Variants in ZNF804A observed in about 807,000 individuals in gnomAD.
ZNF804A encodes the protein zinc finger protein 804A.
In ZNF804A, 2 loss-of-function variants were observed where a neutral mutation model predicts 16.5. That is an observed-to-expected ratio of 0.12 (90% CI 0.05 to 0.38). ZNF804A has a LOEUF of 0.38. ZNF804A is among the 10% of genes least tolerant of loss of function. The pLI, the probability that ZNF804A is intolerant of heterozygous loss-of-function variation, is 0.99. For missense variants in ZNF804A, 1,473 were observed against 1,390.7 expected, an observed-to-expected ratio of 1.06 and a Z score of -0.94; for synonymous variants, 534 against 489.6, an observed-to-expected ratio of 1.09 and a Z score of -1.20.
At chr2:184,722,649 A>C (rs537362823) in intron 1 of ZNF804A, among the ~76,000 whole-genome samples, 1 of 152,130 alleles carries the variant, frequency 6.6e-6, no homozygotes, top group South Asian at 2.1e-4. Context: ...AACACCACTG[A>C]TACGTGTTCA....
intron 2 of ZNF804A, among the ~76,000 whole-genome samples, chr2:184,868,439 GA>G (rs1004044613): frequency 1.3e-5 from 2 of 151,962 alleles, no homozygotes; most frequent in Admixed American, 1.3e-4. Context: ...AGTAGAGGGG[GA>G]AACAGATTGG....
chr2:184,897,001 T>G (rs916102209), intron 2 of ZNF804A, among the ~76,000 whole-genome samples: 1 of 152,150 alleles, frequency 6.6e-6, no homozygotes, highest in African/African-American at 2.4e-5. Flanking sequence ...ATGTTAATTC[T>G]GACTTGAATT....
At chr2:184,894,102 T>C (rs1685029877) in intron 2 of ZNF804A, among the ~76,000 whole-genome samples, 1 of 152,112 alleles carries the variant, frequency 6.6e-6, no homozygotes, top group South Asian at 2.1e-4. Flanking sequence ...GAAGATCATG[T>C]TTTGATATTA....
In ZNF804A at chr2:184,856,652, G is replaced by T. The variant is rs147681119; in HGVS notation, c.112-9717G>T. Among the ~76,000 whole-genome samples the T allele has an allele frequency of 3.4e-3, 514 of 152,184 alleles. 2 individuals carry two copies. Among genetic ancestry groups the T allele is most frequent in the African/African-American group, 0.012 (485 of 41,552 alleles). On this transcript the variant is annotated intron_variant, in intron 1 of 3. Coordinates refer to ENST00000302277, the MANE Select transcript of ZNF804A (RefSeq NM_194250.2). ...AACAACCACAGATCGTACAGAAGTG[G>T]CTGAGATAGTGACACCTTTGCTTTC... is the stretch of plus-strand genomic sequence containing the variant.
At chr2:184,706,275 C>T (rs1382289550) in intron 1 of ZNF804A, among the ~76,000 whole-genome samples, 3 of 152,150 alleles carry the variant, frequency 2.0e-5, no homozygotes, top group Non-Finnish European at 2.9e-5. Context: ...AGGCTGTAGT[C>T]CTGCAGCTGT....
rs757986451 is a variant in ZNF804A, at chr2:184,938,659, A to T, written c.3263A>T (p.Gln1088Leu). 1.9e-6 allele frequency: 3 copies of T among 1,613,922 alleles called. No homozygotes were observed. The highest frequency in any genetic ancestry group is 2.2e-5 in the East Asian group (1 of 44,852). Residue 1088 changes from glutamine to leucine, a missense_variant, in exon 4 of 4, where the codon CAG becomes CTG. Coordinates refer to ENST00000302277, the MANE Select transcript of ZNF804A (RefSeq NM_194250.2). Reference sequence around the variant, plus strand: ...CCTCTGCAGCCTTTGCCTTTGCAGCAGTCCTTATGTTCTACCTCTGTAACC... The same window carrying T: ...CCTCTGCAGCCTTTGCCTTTGCAGCTGTCCTTATGTTCTACCTCTGTAACC... ...STPLQPLPLQ[Q>L]SLCSTSVTTI...
intron 2 of ZNF804A, among the ~76,000 whole-genome samples, chr2:184,903,334 T>C (rs1331086714): frequency 6.6e-6 from 1 of 152,112 alleles, no homozygotes; most frequent in Non-Finnish European, 1.5e-5. Context: ...TAACTGTATT[T>C]TTACTGTACC....
chr2:184,930,140 G>T (rs181570699), intron 2 of ZNF804A, among the ~76,000 whole-genome samples: 22 of 152,180 alleles, frequency 1.4e-4, no homozygotes, highest in African/African-American at 4.3e-4. Context: ...ATAATTATCT[G>T]TTGAATGAGT....
At chr2:184,746,549 C>T (rs145623776) in intron 1 of ZNF804A, among the ~76,000 whole-genome samples, 77 of 151,552 alleles carry the variant, frequency 5.1e-4, no homozygotes, top group African/African-American at 1.7e-3. Flanking sequence ...GTGTTGCAAA[C>T]ATTACAATTA....
At chr2:184,825,183 A>C (rs1391641308) in intron 1 of ZNF804A, among the ~76,000 whole-genome samples, 2 of 152,186 alleles carry the variant, frequency 1.3e-5, no homozygotes, top group African/African-American at 4.8e-5. Flanking sequence ...CAATTAACAC[A>C]ATGTTGATGT....
intron 1 of ZNF804A, among the ~76,000 whole-genome samples, chr2:184,636,739 C>G (rs1691706500): frequency 6.6e-6 from 1 of 151,924 alleles, no homozygotes; most frequent in Non-Finnish European, 1.5e-5. Context: ...GATTGATGAA[C>G]CTACATTGAC....
chr2:184,917,810 C>T (rs1685475798), intron 2 of ZNF804A, among the ~76,000 whole-genome samples: 1 of 151,888 alleles, frequency 6.6e-6, no homozygotes, highest in Admixed American at 6.6e-5. Context: ...CACACACACA[C>T]ACACACACAC....
chr2:184,938,621 A>G lies in ZNF804A; in HGVS notation c.3225A>G (p.Pro1075=). 6.2e-7 allele frequency: 1 copy of G among 1,613,214 alleles called. No individual in the cohort carries two copies. The highest frequency in any genetic ancestry group is 8.5e-7 in the Non-Finnish European group (1 of 1,179,780). The change falls in exon 4 of 4, where the codon CCA becomes CCG. Residue 1075 remains proline, a synonymous_variant. Transcript: ENST00000302277. ...VKFTFPPAAL[P]PPSTPLQPLP... is the part of the protein sequence containing the mutation. ...TTACCTTTCCTCCAGCTGCCCTCCC[A>G]CCCCCTAGCACACCTCTGCAGCCTT...
At chr2:184,617,600 T>G (rs1355882086) in intron 1 of ZNF804A, among the ~76,000 whole-genome samples, 2 of 151,632 alleles carry the variant, frequency 1.3e-5, no homozygotes, top group Admixed American at 6.6e-5. Flanking sequence ...TAGGTACTCT[T>G]AAGTCATTTC....
intron 2 of ZNF804A, among the ~76,000 whole-genome samples, chr2:184,898,502 G>C (rs1016832014): frequency 2.0e-5 from 3 of 151,870 alleles, no homozygotes; most frequent in Non-Finnish European, 4.4e-5. Context: ...ACTAAGCCTG[G>C]GGACGTGATA....
chr2:184,869,308 A>T (rs141743806), intron 2 of ZNF804A, among the ~76,000 whole-genome samples: 2 of 152,114 alleles, frequency 1.3e-5, no homozygotes, highest in East Asian at 3.9e-4. Context: ...ACTTACATGG[A>T]ATTAGAGCAC....
chr2:184,707,580 G>A (rs1386116475), intron 1 of ZNF804A, among the ~76,000 whole-genome samples: 1 of 152,064 alleles, frequency 6.6e-6, no homozygotes, highest in Non-Finnish European at 1.5e-5. Flanking sequence ...TTAGGTTAAT[G>A]GCCTCCAGCT....
At chr2:184,646,627 G>GT (rs1691879288) in intron 1 of ZNF804A, among the ~76,000 whole-genome samples, 1 of 152,192 alleles carries the variant, frequency 6.6e-6, no homozygotes, top group Non-Finnish European at 1.5e-5. Flanking sequence ...CACAACTCCT[G>GT]TGCAGAGATT....
chr2:184,880,926 A>C (rs1684800582), intron 2 of ZNF804A, among the ~76,000 whole-genome samples: 2 of 152,150 alleles, frequency 1.3e-5, no homozygotes, highest in Admixed American at 1.3e-4. Context: ...ATTAAATTTC[A>C]TAAGAATATG....
Sources: gnomAD v4.1 joint callset for allele counts (sites outside exome capture counted in the v4.1 genomes callset) on GRCh38, gnomAD v4.1.1 for gene constraint, MANE v1.5 for transcripts, NCBI Gene and HGNC (gene_info 2026-07-23, HGNC 2026-07-21) for gene names.